CNDP1: variants seen among roughly 807,000 people sequenced by gnomAD.
CNDP1 encodes beta-Ala-His dipeptidase.
Under a neutral mutation model 58.1 loss-of-function variants are expected in CNDP1, and 44 were observed. That is an observed-to-expected ratio of 0.76 (90% CI 0.60 to 0.97). The LOEUF (loss-of-function observed/expected upper bound fraction) is 0.97, where lower values mean the gene tolerates loss of function less well. CNDP1 is among the 50% of genes least tolerant of loss of function. The pLI is 0.00. For missense variants in CNDP1, 616 were observed against 655.1 expected, an observed-to-expected ratio of 0.94 and a Z score of 0.65; for synonymous variants, 254 against 252.6, an observed-to-expected ratio of 1.01 and a Z score of -0.05.
rs1981869680 is a variant in CNDP1, at chr18:74,584,733, CA to C, written c.*172del. The C allele has an allele frequency of 5.1e-6, 3 of 592,616 alleles. No individual in the cohort carries two copies. In the South Asian group the frequency reaches 6.6e-5, roughly 13 times the overall value. 36.7% of individuals were successfully genotyped at this position (592,616 alleles called of 1,614,324 possible). On this transcript the variant is annotated 3_prime_UTR_variant, in exon 12 of 12. Transcript: ENST00000358821. ...GATCAGTAATAAAATATTTCAAAGG[CA>C]CAGATGTTGGAAATGGTTTAAGGTC... is the stretch of plus-strand genomic sequence containing the variant.
At chr18:74,565,830 G>C (rs1599096541) in intron 5 of CNDP1, among the ~76,000 whole-genome samples, 1 of 152,320 alleles carries the variant, frequency 6.6e-6, no homozygotes, top group South Asian at 2.1e-4. Flanking sequence ...AGCTCCACTA[G>C]GGAGTGCCCC....
intron 2 of CNDP1, among the ~76,000 whole-genome samples, chr18:74,557,782 G>T (rs1202291795): frequency 6.6e-6 from 1 of 152,184 alleles, no homozygotes; most frequent in Non-Finnish European, 1.5e-5. Context: ...AACCAATTTT[G>T]GGAATATTAT....
intron 9 of CNDP1, 124 bp downstream of exon 9, chr18:74,578,451 G>T: frequency 1.0e-6 from 1 of 981,442 alleles, no homozygotes. Flanking sequence ...AACACAAGAG[G>T]AGTGGAACAA....
chr18:74,578,104 C>A, intron 8 of CNDP1, 59 bp from the exon 9 acceptor site: 1 of 1,477,628 alleles, frequency 6.8e-7, no homozygotes, highest in South Asian at 1.3e-5. Context: ...GTAACACAAG[C>A]AACCCAGGTC....
At position 74,586,047 on chromosome 18, in the gene CNDP1, TC is replaced by T. The variant is rs2144584810; in HGVS notation, c.*1487del. The T allele has an allele frequency of 6.6e-6, 1 of 150,456 alleles. No homozygotes were observed. Among genetic ancestry groups the T allele is most frequent in the East Asian group, 1.9e-4 (1 of 5,132 alleles). 9.3% of individuals were successfully genotyped at this position (150,456 alleles called of 1,614,324 possible). A position where few individuals can be genotyped will look rare whatever the true frequency, so the allele number is the denominator to read the frequency against. ...AGAACACATTTGCGTTCAACTTTTTTCCATCACTCTGTTGGTTCTTGAGATG... is the reference window on the plus strand; with the variant it reads ...AGAACACATTTGCGTTCAACTTTTTTCATCACTCTGTTGGTTCTTGAGATG... On this transcript the variant is annotated 3_prime_UTR_variant, in exon 12 of 12. Transcript: ENST00000358821.
intron 1 of CNDP1, 97 bp downstream of exon 1, chr18:74,534,788 C>CA: frequency 7.1e-7 from 1 of 1,405,404 alleles, no homozygotes; most frequent in Non-Finnish European, 1.0e-6. Context: ...GCAGGGCAGG[C>CA]ACCCAGCGTG....
intron 4 of CNDP1, 22 bp from the exon 5 acceptor site, chr18:74,562,025 C>A (rs757889546): frequency 6.2e-7 from 1 of 1,607,604 alleles, no homozygotes; most frequent in Non-Finnish European, 8.5e-7. Context: ...CTTCTCTGAA[C>A]ATTCTTCTCC....
chr18:74,559,709 G>C (rs1274884410), intron 3 of CNDP1, among the ~76,000 whole-genome samples: 1 of 152,222 alleles, frequency 6.6e-6, no homozygotes, highest in Non-Finnish European at 1.5e-5. Context: ...GATGACAAGT[G>C]AAGGTCACCT....
At chr18:74,541,868 G>A (rs1980633292) in intron 1 of CNDP1, among the ~76,000 whole-genome samples, 1 of 152,212 alleles carries the variant, frequency 6.6e-6, no homozygotes, top group Non-Finnish European at 1.5e-5. Flanking sequence ...GGTACACGTG[G>A]CTCAGCTTCC....
chr18:74,586,150 A>T lies in CNDP1; in HGVS notation c.*1588A>T, dbSNP rs1192056333. 1 of 151,928 alleles carries T rather than the reference A, an allele frequency of 6.6e-6. No homozygotes were observed. The allele number at this position is 151,928 out of a possible 1,614,324, so 9.4% of individuals were successfully genotyped here. ...GCAGGCAGTGATTCAGTTCACCTTG[A>T]CTCTAGTCATAGAAGTGGACCCAAC... On this transcript the variant is annotated 3_prime_UTR_variant, in exon 12 of 12. Transcript: ENST00000358821.
intron 1 of CNDP1, among the ~76,000 whole-genome samples, chr18:74,540,454 C>G (rs372896168): frequency 3.9e-5 from 6 of 152,210 alleles, no homozygotes; most frequent in African/African-American, 1.2e-4. Context: ...GCCACCACGT[C>G]TGAACTCTGC....
chr18:74,539,334 G>A (rs528372588), intron 1 of CNDP1, among the ~76,000 whole-genome samples: 4 of 152,248 alleles, frequency 2.6e-5, no homozygotes, highest in African/African-American at 4.8e-5. Context: ...AAGTAGGCAC[G>A]TGCTAATTTT....
intron 7 of CNDP1, 99 bp downstream of exon 7, chr18:74,571,369 CT>C: frequency 1.2e-6 from 1 of 839,406 alleles, no homozygotes; most frequent in Non-Finnish European, 2.0e-6. Context: ...TGAACCAGCT[CT>C]GAACAAGGGT....
intron 1 of CNDP1, among the ~76,000 whole-genome samples, chr18:74,543,068 A>G (rs1418833207): frequency 6.6e-6 from 1 of 152,286 alleles, no homozygotes; most frequent in Admixed American, 6.5e-5. Flanking sequence ...ACTGACATAC[A>G]AAGAGTAGAA....
chr18:74,586,130 C>A lies in CNDP1; in HGVS notation c.*1568C>A, dbSNP rs1568302955. ...CTTTAAAAGGACTGGAGCAGGCAGGCAGTGATTCAGTTCACCTTGACTCTA... is the reference window on the plus strand; with the variant it reads ...CTTTAAAAGGACTGGAGCAGGCAGGAAGTGATTCAGTTCACCTTGACTCTA... On this transcript the variant is annotated 3_prime_UTR_variant, in exon 12 of 12. Transcript: ENST00000358821. 6.6e-6 allele frequency: 1 copy of A among 151,850 alleles called. No individual in the cohort carries two copies. The allele number at this position is 151,850 out of a possible 1,614,324, so 9.4% of individuals were successfully genotyped here.
chr18:74,573,215 T>C (rs1981533185), intron 7 of CNDP1, among the ~76,000 whole-genome samples: 1 of 152,068 alleles, frequency 6.6e-6, no homozygotes, highest in Non-Finnish European at 1.5e-5. Flanking sequence ...CTACCTATCA[T>C]CTATCCATCC....
At chr18:74,566,099 G>T (rs1343670198) in intron 5 of CNDP1, among the ~76,000 whole-genome samples, 2 of 152,198 alleles carry the variant, frequency 1.3e-5, no homozygotes, top group African/African-American at 4.8e-5. Flanking sequence ...CTGTACATTG[G>T]CCCCTTTTAG....
chr18:74,570,973 A>G (rs1402903338), intron 6 of CNDP1, among the ~76,000 whole-genome samples: 2 of 152,168 alleles, frequency 1.3e-5, no homozygotes, highest in African/African-American at 4.8e-5. Context: ...AGTCAGTTTC[A>G]GGGGATTCAA....
At chr18:74,544,069 T>C (rs1309129078) in intron 1 of CNDP1, among the ~76,000 whole-genome samples, 1 of 151,792 alleles carries the variant, frequency 6.6e-6, no homozygotes, top group Non-Finnish European at 1.5e-5. Flanking sequence ...CTGGGCAACA[T>C]AGCAAGACCC....
Sources: gnomAD v4.1 joint callset for allele counts (sites outside exome capture counted in the v4.1 genomes callset) on GRCh38, gnomAD v4.1.1 for gene constraint, MANE v1.5 for transcripts, NCBI Gene and HGNC (gene_info 2026-07-23, HGNC 2026-07-21) for gene names.